TMEM132B: variants seen among roughly 807,000 people sequenced by gnomAD.
TMEM132B encodes transmembrane protein 132B.
Under a neutral mutation model 90.8 loss-of-function variants are expected in TMEM132B, and 18 were observed. The ratio of observed to expected loss-of-function variants is 0.20; its 90% CI spans 0.14 to 0.29. The LOEUF (loss-of-function observed/expected upper bound fraction) is 0.29, where lower values mean the gene tolerates loss of function less well. Ranked by LOEUF, TMEM132B falls within the 10% of genes least tolerant of loss-of-function variation. The pLI, the probability that TMEM132B is intolerant of heterozygous loss-of-function variation, is 1.00. For synonymous variants in TMEM132B, 504 were observed against 523.3 expected (o/e 0.96, Z 0.50); for missense variants, 1,096 against 1,326.8 (o/e 0.83, Z 2.70).
intron 1 of TMEM132B, among the ~76,000 whole-genome samples, chr12:125,302,117 T>A (rs756115539): frequency 7.2e-5 from 11 of 151,762 alleles, no homozygotes; most frequent in Admixed American, 2.0e-4. Context: ...AGAGAATTGC[T>A]TGAACCTGGG....
At chr12:125,597,690 A>T (rs888537238) in intron 5 of TMEM132B, among the ~76,000 whole-genome samples, 4 of 152,168 alleles carry the variant, frequency 2.6e-5, no homozygotes, top group African/African-American at 7.2e-5. Flanking sequence ...TTCATAAGAG[A>T]CAGAGATGGA....
At chr12:125,248,612 ATAAAG>A (rs1874253979) in intron 1 of TMEM132B, among the ~76,000 whole-genome samples, 1 of 152,224 alleles carries the variant, frequency 6.6e-6, no homozygotes, top group Non-Finnish European at 1.5e-5. Context: ...CTAATAAATT[ATAAAG>A]TAATCTATCT....
chr12:125,328,012 T>G (rs978561080), intron 1 of TMEM132B, among the ~76,000 whole-genome samples: 1 of 152,234 alleles, frequency 6.6e-6, no homozygotes, highest in Non-Finnish European at 1.5e-5. Flanking sequence ...AGGACCGTCT[T>G]TGGCCCGTTT....
chr12:125,372,021 A>G (rs572016402), intron 2 of TMEM132B, among the ~76,000 whole-genome samples: 1 of 152,358 alleles, frequency 6.6e-6, no homozygotes, highest in East Asian at 1.9e-4. Context: ...AAGCAAATGC[A>G]TTGTGCCAAC....
At chr12:125,318,518 C>T (rs1044435747) in intron 1 of TMEM132B, among the ~76,000 whole-genome samples, 9 of 152,116 alleles carry the variant, frequency 5.9e-5, no homozygotes, top group Non-Finnish European at 1.0e-4. Context: ...TCTCCCTTCC[C>T]ACCCCCACCC....
At chr12:125,524,188 G>A (rs1883385786) in intron 4 of TMEM132B, among the ~76,000 whole-genome samples, 1 of 152,208 alleles carries the variant, frequency 6.6e-6, no homozygotes, top group Admixed American at 6.5e-5. Flanking sequence ...ACTTCACAGT[G>A]GTGTCAGATG....
chr12:125,626,027 T>G (rs1404474086), intron 5 of TMEM132B, among the ~76,000 whole-genome samples: 1 of 152,250 alleles, frequency 6.6e-6, no homozygotes, highest in Non-Finnish European at 1.5e-5. Flanking sequence ...ATTTTTACTT[T>G]TGTTACTAAT....
intron 2 of TMEM132B, among the ~76,000 whole-genome samples, chr12:125,401,829 T>A (rs1017303716): frequency 1.6e-4 from 17 of 108,082 alleles, no homozygotes; most frequent in African/African-American, 8.2e-4. Flanking sequence ...TTGATTGGGA[T>A]TTTTTTTTCT....
At position 125,490,610 on chromosome 12, in the gene TMEM132B, C is replaced by T. The variant is rs953437170; in HGVS notation, c.1107-28829C>T. On this transcript the variant is annotated intron_variant, in intron 3 of 8. Transcript: ENST00000682704. The surrounding 1 kb of genome is among the most constrained non-coding windows in gnomAD (Gnocchi z 4.2). ...TCCCGAGTAGCTCGACTACAGACACCTGCCACCACGCCTGGCTAATTTTTT... is the reference window on the plus strand; with the variant it reads ...TCCCGAGTAGCTCGACTACAGACACTTGCCACCACGCCTGGCTAATTTTTT... Among the ~76,000 whole-genome samples the T allele has an allele frequency of 6.6e-6, 1 of 152,086 alleles. No homozygotes were observed. Among genetic ancestry groups the T allele is most frequent in the African/African-American group, 2.4e-5 (1 of 41,404 alleles).
chr12:125,274,827 A>G (rs1460583801), intron 1 of TMEM132B, among the ~76,000 whole-genome samples: 1 of 152,146 alleles, frequency 6.6e-6, no homozygotes, highest in Non-Finnish European at 1.5e-5. Flanking sequence ...TTCACCTGAG[A>G]TGGGAAGATT....
chr12:125,357,822 C>A (rs1877830023), intron 2 of TMEM132B, among the ~76,000 whole-genome samples: 1 of 152,194 alleles, frequency 6.6e-6, no homozygotes, highest in Non-Finnish European at 1.5e-5. Context: ...TCTGCAGACC[C>A]AGGACTCATG....
At chr12:125,299,019 C>T (rs1423784095) in intron 1 of TMEM132B, among the ~76,000 whole-genome samples, 1 of 152,094 alleles carries the variant, frequency 6.6e-6, no homozygotes, top group African/African-American at 2.4e-5. Flanking sequence ...AGGCGTGAGC[C>T]ACCACGCCCG....
intron 1 of TMEM132B, among the ~76,000 whole-genome samples, chr12:125,188,193 G>T (rs905607672): frequency 3.3e-5 from 5 of 152,156 alleles, no homozygotes; most frequent in Non-Finnish European, 7.4e-5. Context: ...CTCCGTCAGC[G>T]TTCGGCTTTG....
intron 2 of TMEM132B, among the ~76,000 whole-genome samples, chr12:125,381,944 G>T (rs1014036594): frequency 5.3e-5 from 8 of 152,272 alleles, no homozygotes; most frequent in African/African-American, 1.9e-4. Context: ...GGGGTCTGGT[G>T]CTTCTGATCA....
intron 3 of TMEM132B, among the ~76,000 whole-genome samples, chr12:125,451,450 C>T (rs1213516386): frequency 6.6e-6 from 1 of 152,052 alleles, no homozygotes; most frequent in Non-Finnish European, 1.5e-5. Context: ...AAGAAAACAA[C>T]AATGAAAATG....
At chr12:125,581,631 A>G (rs1030346152) in intron 4 of TMEM132B, among the ~76,000 whole-genome samples, 26 of 152,102 alleles carry the variant, frequency 1.7e-4, no homozygotes, top group African/African-American at 6.0e-4. Flanking sequence ...AAAATGAAAC[A>G]TTGTCACTAA....
intron 6 of TMEM132B, among the ~76,000 whole-genome samples, chr12:125,650,307 G>C (rs1447975186): frequency 6.6e-6 from 1 of 152,134 alleles, no homozygotes; most frequent in Admixed American, 6.5e-5. Context: ...CTTGGCATGA[G>C]GTCCAATGGG....
At position 125,252,661 on chromosome 12, in the gene TMEM132B, G is replaced by A. The variant is rs569695437; in HGVS notation, c.67+65795G>A. Reference sequence around the variant, plus strand: ...TTGCATGGACTTTTGTCTCAGAGAAGTCTTCTGCTGTGGCTCCTAATCCTG... The same window carrying A: ...TTGCATGGACTTTTGTCTCAGAGAAATCTTCTGCTGTGGCTCCTAATCCTG... On this transcript the variant is annotated intron_variant, in intron 1 of 8. Coordinates refer to ENST00000682704, the MANE Select transcript of TMEM132B (RefSeq NM_001366854.1). 3.9e-5 allele frequency among the ~76,000 whole-genome samples: 6 copies of A among 152,320 alleles called. No homozygotes were observed. In the South Asian group the frequency reaches 1.2e-3, roughly 32 times the overall value.
At chr12:125,607,384 G>T (rs1885723868) in intron 5 of TMEM132B, among the ~76,000 whole-genome samples, 2 of 152,212 alleles carry the variant, frequency 1.3e-5, no homozygotes, top group Admixed American at 1.3e-4. Context: ...ACGAGGTATA[G>T]AAACAGTTTA....
Sources: gnomAD v4.1 joint callset for allele counts (sites outside exome capture counted in the v4.1 genomes callset) on GRCh38, gnomAD v4.1.1 for gene constraint, Gnocchi (gnomAD v3.1) non-coding constraint, MANE v1.5 for transcripts, NCBI Gene and HGNC (gene_info 2026-07-23, HGNC 2026-07-21) for gene names.